The following ARMCX2 variants were observed in gnomAD, a reference collection of about 807,000 sequenced individuals.
The protein encoded by ARMCX2 is armadillo repeat-containing X-linked protein 2.
Under a neutral mutation model 17.0 loss-of-function variants are expected in ARMCX2, and 2 were observed. The ratio of observed to expected loss-of-function variants is 0.12; its 90% CI spans 0.05 to 0.37. The LOEUF (loss-of-function observed/expected upper bound fraction) is 0.37, where lower values mean the gene tolerates loss of function less well. Ranked by LOEUF, ARMCX2 falls within the 10% of genes least tolerant of loss-of-function variation. ARMCX2 has a pLI of 1.00. For synonymous variants in ARMCX2, 182 were observed against 195.2 expected, an observed-to-expected ratio of 0.93 and a Z score of 0.57; for missense variants, 408 against 497.7, an observed-to-expected ratio of 0.82 and a Z score of 1.72.
rs782551420 is a variant in ARMCX2, at chrX:101,655,888, A to T, written c.1701T>A (p.Leu567=). 1.1e-5 allele frequency: 13 copies of T among 1,208,653 alleles called. No individual in the cohort carries two copies. In the Admixed American group the frequency reaches 1.5e-4, roughly 14 times the overall value. The change falls in exon 6 of 6, where the codon CTT becomes CTA. Residue 567 remains leucine, a synonymous_variant. Coordinates refer to ENST00000356824, the MANE Select transcript of ARMCX2 (RefSeq NM_177949.4). The part of the protein sequence containing the change: ...LYNSYVESEI[L]INALTLFEII... ...TCTCAAATAGAGTAAGGGCATTAATAAGGATTTCTGATTCCACGTAAGAAT... is the reference window on the plus strand; with the variant it reads ...TCTCAAATAGAGTAAGGGCATTAATTAGGATTTCTGATTCCACGTAAGAAT...
chrX:101,657,189 C>T lies in ARMCX2; in HGVS notation c.400G>A (p.Ala134Thr). The change falls in exon 6 of 6, where the codon GCA (alanine) becomes ACA (threonine). Residue 134 changes from alanine (A) to threonine (T), a missense_variant. Around this residue, in one of 2 missense-constraint regions of ARMCX2, gnomAD observed 307 missense variants for 326.8 expected, o/e 0.94. Transcript: ENST00000356824. ...GGTGGTGCTATTGCAGAAGCCATTG[C>T]AGCCCCAACTACTGATTCGGCCTTA... Reference protein sequence around the residue: ...GPKAESVVGAAMASAIAPPPG... With the variant: ...GPKAESVVGATMASAIAPPPG... 8.4e-7 allele frequency: 1 copy of T among 1,189,308 alleles called. No homozygotes were observed. Among genetic ancestry groups the T allele is most frequent in the Non-Finnish European group, 1.1e-6 (1 of 882,194 alleles).
Position 101,656,373 on chromosome X carries a change from C to T in ARMCX2, c.1216G>A (p.Val406Ile), listed in dbSNP as rs1556053408. ...TTGTTGCTCAGAGTGAGCAAAGCTA[C>T]CTGTTGGATGAAAGGATCATCAGAT... ...QKSDDPFIQQ[V>I]ALLTLSNNAN... The change falls in exon 6 of 6, where the codon GTA (valine) becomes ATA (isoleucine). Residue 406 changes from valine (V) to isoleucine (I), a missense_variant. By Grantham distance (29) the Val-to-Ile change is conservative. Transcript: ENST00000356824. 1 of 1,208,952 alleles carries T rather than the reference C, an allele frequency of 8.3e-7. No individual in the cohort carries two copies. The highest frequency in any genetic ancestry group is 1.8e-5 in the African/African-American group (1 of 56,812).
In ARMCX2 at chrX:101,655,329, T is replaced by A. The variant is rs781807114; in HGVS notation, c.*361A>T. On this transcript the variant is annotated 3_prime_UTR_variant, in exon 6 of 6. Transcript: ENST00000356824. ...CTTTATTGATGATACACAAATGAAGTCTTTGGTGGATAAATTCAAGTCAAA... is the reference window on the plus strand; with the variant it reads ...CTTTATTGATGATACACAAATGAAGACTTTGGTGGATAAATTCAAGTCAAA... The A allele has an allele frequency of 1.8e-4, 22 of 123,722 alleles. No homozygotes were observed. Among genetic ancestry groups the A allele is most frequent in the Non-Finnish European group, 3.6e-4 (22 of 61,348 alleles). 10.2% of individuals were successfully genotyped at this position (123,722 alleles called of 1,213,427 possible). A position where few individuals can be genotyped will look rare whatever the true frequency, so the allele number is the denominator to read the frequency against.
intron 2 of ARMCX2, 103 bp from the exon 3 acceptor site, chrX:101,659,251 A>G (rs1394991416): frequency 9.4e-6 from 1 of 106,312 alleles, no homozygotes; most frequent in African/African-American, 3.4e-5. Flanking sequence ...CCACCTCTCC[A>G]ACAGCAGCTG....
intron 3 of ARMCX2, chrX:101,658,749 C>T (rs1936453571): frequency 9.0e-6 from 1 of 110,942 alleles, no homozygotes; most frequent in Non-Finnish European, 1.9e-5. Flanking sequence ...TCCGCTTTGC[C>T]CCGCCCCCGT....
At chrX:101,658,907 A>G (rs1276047820) in intron 3 of ARMCX2, among the ~76,000 whole-genome samples, 169 bp downstream of exon 3, 4 of 111,281 alleles carry the variant, frequency 3.6e-5, no homozygotes, top group Non-Finnish European at 5.7e-5. Context: ...AGGATCACCC[A>G]TCTTTCGCTC....
chrX:101,658,154 T>C lies in ARMCX2; in HGVS notation c.-197-12A>G, dbSNP rs954660435. 1.2e-4 allele frequency: 14 copies of C among 112,146 alleles called. No individual in the cohort carries two copies. The highest frequency in any genetic ancestry group is 2.1e-4 in the Non-Finnish European group (11 of 53,379). The allele number at this position is 112,146 out of a possible 1,213,427, so 9.2% of individuals were successfully genotyped here. A position where few individuals can be genotyped will look rare whatever the true frequency, so the allele number is the denominator to read the frequency against. On this transcript the variant is annotated splice_polypyrimidine_tract_variant and intron_variant, in intron 4 of 5. Transcript: ENST00000356824. Reference sequence around the variant, plus strand: ...AAAGGAAGACAGACCTGAGGACAGATCAGAAAGGGCGTTTTTGAGCCATTG... The same window carrying C: ...AAAGGAAGACAGACCTGAGGACAGACCAGAAAGGGCGTTTTTGAGCCATTG...
chrX:101,659,545 AGTAAGCGGATTCTTC>A (rs1249922684), intron 1 of ARMCX2, 44 bp from the exon 2 acceptor site: 6 of 110,882 alleles, frequency 5.4e-5, no homozygotes, highest in African/African-American at 2.0e-4. Flanking sequence ...CTGGAAAGGA[AGTAAGCGGATTCTTC>A]GTAAAGTCTA....
rs781857678 is a variant in ARMCX2 at position 101,656,358 on chromosome X, G to C, written c.1231C>G (p.Leu411Val). The change falls in exon 6 of 6, where the codon CTG becomes GTG. Residue 411 changes from leucine to valine, a missense_variant. By Grantham distance (32) the Leu-to-Val change is conservative. Coordinates refer to ENST00000356824, the MANE Select transcript of ARMCX2 (RefSeq NM_177949.4). ...PFIQQVALLT[L>V]SNNANYSCNQ... ...CATGAATAATTGGCATTGTTGCTCA[G>C]AGTGAGCAAAGCTACCTGTTGGATG... The C allele has an allele frequency of 2.5e-6, 3 of 1,208,946 alleles. No homozygotes were observed. Among genetic ancestry groups the C allele is most frequent in the Non-Finnish European group, 3.4e-6 (3 of 894,830 alleles).
Position 101,657,210 on chromosome X carries a change from C to A in ARMCX2, c.379G>T (p.Ala127Ser), listed in dbSNP as rs1556065803. 5 of 1,194,594 alleles carry A rather than the reference C, an allele frequency of 4.2e-6. No individual in the cohort carries two copies. Among genetic ancestry groups the A allele is most frequent in the African/African-American group, 1.7e-5 (1 of 57,238 alleles). ...EADGAGVGPK[A>S]ESVVGAAMAS... ...ATTGCAGCCCCAACTACTGATTCGG[C>A]CTTAGGCCCAACCCCGGCTCCATCT... Residue 127 changes from alanine (A) to serine (S), a missense_variant, in exon 6 of 6, where the codon GCC (alanine) becomes TCC (serine). Transcript: ENST00000356824.
rs1556049446 is a variant in ARMCX2 at position 101,655,940 on chromosome X, A to G, written c.1649T>C (p.Val550Ala). 8.3e-7 allele frequency: 1 copy of G among 1,211,332 alleles called. No homozygotes were observed. The highest frequency in any genetic ancestry group is 1.8e-5 in the South Asian group (1 of 56,983). ...DMLKKLLSTQVPASFSSLYNS... is the reference protein window; with the variant it reads ...DMLKKLLSTQAPASFSSLYNS... ...ATAGAGGGAACTAAATGATGCTGGC[A>G]CTTGGGTACTGAGAAGTTTCTTCAA... is the stretch of plus-strand genomic sequence containing the variant. Residue 550 changes from valine to alanine, a missense_variant, in exon 6 of 6, where the codon GTG becomes GCG. Val to Ala is a moderately conservative substitution (Grantham distance 64). Transcript: ENST00000356824.
Position 101,657,329 on chromosome X carries a change from G to T in ARMCX2, c.260C>A (p.Ala87Asp). 1 of 1,210,247 alleles carries T rather than the reference G, an allele frequency of 8.3e-7. No individual in the cohort carries two copies. Among genetic ancestry groups the T allele is most frequent in the Non-Finnish European group, 1.1e-6 (1 of 894,193 alleles). ...AEAEDRAQDE[A>D]SALDTVGAEA... ...AGCTCCAACTGTGTCCAGAGCAGAGGCTTCATCCTGGGCCCTGTCCTCTGC... is the reference window on the plus strand; with the variant it reads ...AGCTCCAACTGTGTCCAGAGCAGAGTCTTCATCCTGGGCCCTGTCCTCTGC... Residue 87 changes from alanine to aspartate, a missense_variant, in exon 6 of 6, where the codon GCC becomes GAC. This residue lies in a region of ARMCX2 where 307 missense variants were observed against 326.8 expected (regional missense o/e 0.94). Transcript: ENST00000356824.
At position 101,656,763 on chromosome X, in the gene ARMCX2, C is replaced by T. The variant is rs782281720; in HGVS notation, c.826G>A (p.Gly276Arg). 3.3e-6 allele frequency: 4 copies of T among 1,209,547 alleles called. No individual in the cohort carries two copies. The highest frequency in any genetic ancestry group is 1.1e-6 in the Non-Finnish European group (1 of 895,081). ...GAIPKATSATGAVPKGGGKGV... is the reference protein window; with the variant it reads ...GAIPKATSATRAVPKGGGKGV... ...TTGCCTCCACCTTTGGGTACCGCTCCAGTCGCTGATGTGGCTTTCGGTATA... is the reference window on the plus strand; with the variant it reads ...TTGCCTCCACCTTTGGGTACCGCTCTAGTCGCTGATGTGGCTTTCGGTATA... Residue 276 changes from glycine (G) to arginine (R), a missense_variant, in exon 6 of 6, where the codon GGA (glycine) becomes AGA (arginine). Gly to Arg is a moderately radical substitution (Grantham distance 125, BLOSUM62 -2). Transcript: ENST00000356824.
intron 1 of ARMCX2, 93 bp downstream of exon 1, chrX:101,659,664 GT>G (rs1936543602): frequency 9.1e-6 from 1 of 109,970 alleles, no homozygotes; most frequent in African/African-American, 3.3e-5. Context: ...CCGGCCAGGA[GT>G]GGGGGAGACC....
Position 101,656,335 on chromosome X carries a change from T to C in ARMCX2, c.1254A>G (p.Ser418=). ...ATTTGCGGATTGTCTCTTGATTGCATGAATAATTGGCATTGTTGCTCAGAG... is the reference window on the plus strand; with the variant it reads ...ATTTGCGGATTGTCTCTTGATTGCACGAATAATTGGCATTGTTGCTCAGAG... ...LLTLSNNANY[S]CNQETIRKLG... The change falls in exon 6 of 6, where the codon TCA becomes TCG. Residue 418 remains serine, a synonymous_variant. Transcript: ENST00000356824. 2 of 1,211,046 alleles carry C rather than the reference T, an allele frequency of 1.7e-6. No homozygotes were observed. Among genetic ancestry groups the C allele is most frequent in the Non-Finnish European group, 2.2e-6 (2 of 895,032 alleles).
chrX:101,657,747 G>A, intron 5 of ARMCX2, 32 bp from the exon 6 acceptor site: 1 of 499,339 alleles, frequency 2.0e-6, no homozygotes. Flanking sequence ...GAGGCTTAGG[G>A]CTCTGGCTCA....
chrX:101,656,279 A>G lies in ARMCX2; in HGVS notation c.1310T>C (p.Ile437Thr). The G allele has an allele frequency of 8.3e-7, 1 of 1,208,683 alleles. No homozygotes were observed. Among genetic ancestry groups the G allele is most frequent in the South Asian group, 1.8e-5 (1 of 56,827 alleles). Residue 437 changes from isoleucine to threonine, a missense_variant, in exon 6 of 6, where the codon ATC becomes ACC. Transcript: ENST00000356824. ...LGGLPIIANM[I>T]NKTDPHIKEK... is the part of the protein sequence containing the mutation. Reference sequence around the variant, plus strand: ...CTTAATGTGTGGATCAGTTTTGTTGATCATGTTTGCAATAATTGGGAGGCC... The same window carrying G: ...CTTAATGTGTGGATCAGTTTTGTTGGTCATGTTTGCAATAATTGGGAGGCC...
rs782250667 is a variant in ARMCX2 at position 101,657,399 on chromosome X, C to G, written c.190G>C (p.Asp64His). The change falls in exon 6 of 6, where the codon GAC becomes CAC. Residue 64 changes from aspartate to histidine, a missense_variant. By Grantham distance (81) the Asp-to-His change is moderately conservative. Coordinates refer to ENST00000356824, the MANE Select transcript of ARMCX2 (RefSeq NM_177949.4). ...GGGGGACTGAATCCTGACCCAAGGT[C>G]GATTGTGAATCCGGCTCTTAGCCCA... Reference protein sequence around the residue: ...RAGLRAGFTIDLGSGFSPPTP... With the variant: ...RAGLRAGFTIHLGSGFSPPTP... The G allele has an allele frequency of 8.3e-7, 1 of 1,210,851 alleles. No individual in the cohort carries two copies. The highest frequency in any genetic ancestry group is 1.8e-5 in the South Asian group (1 of 56,871).
At position 101,655,633 on chromosome X, in the gene ARMCX2, G is replaced by C. The variant is rs782520877; in HGVS notation, c.*57C>G. On this transcript the variant is annotated 3_prime_UTR_variant, in exon 6 of 6. Coordinates refer to ENST00000356824, the MANE Select transcript of ARMCX2 (RefSeq NM_177949.4). ...AAAGCAGTAACTTTCAATTTTCAAC[G>C]CTTCCACACTGCAAAATCATGAAAT... The C allele has an allele frequency of 1.3e-5, 12 of 952,234 alleles. No individual in the cohort carries two copies. Among genetic ancestry groups the C allele is most frequent in the Non-Finnish European group, 1.7e-5 (12 of 711,569 alleles). 78.5% of individuals were successfully genotyped at this position (952,234 alleles called of 1,213,427 possible). A position where few individuals can be genotyped will look rare whatever the true frequency, so the allele number is the denominator to read the frequency against.
Sources: allele counts gnomAD v4.1 joint callset (sites outside exome capture counted in the v4.1 genomes callset), GRCh38; gene constraint gnomAD v4.1.1; regional missense constraint gnomAD v4.1.1; transcripts MANE v1.5; gene names NCBI Gene and HGNC (gene_info 2026-07-23, HGNC 2026-07-21).